WDR49: variants seen among roughly 807,000 people sequenced by gnomAD.
The protein encoded by WDR49 is WD repeat domain 49.
A neutral mutation model predicts 119.5 loss-of-function variants in WDR49; 107 were observed. The ratio of observed to expected loss-of-function variants is 0.90; its 90% CI spans 0.77 to 1.05. The LOEUF is 1.05. Among genes scored for constraint, WDR49 ranks in the 50% least tolerant of loss-of-function variants. WDR49 has a pLI of 0.00. For missense variants in WDR49, 1,240 were observed against 1,220.5 expected (o/e 1.02, Z -0.24); for synonymous variants, 425 against 418.8 (o/e 1.01, Z -0.18).
At chr3:167,587,547 A>G (rs1714883234) in intron 7 of WDR49, among the ~76,000 whole-genome samples, 2 of 152,072 alleles carry the variant, frequency 1.3e-5, no homozygotes, top group Non-Finnish European at 2.9e-5. Flanking sequence ...GTGCAATGGC[A>G]TGATCACGCC....
intron 2 of WDR49, among the ~76,000 whole-genome samples, chr3:167,637,963 A>T (rs923288502): frequency 6.6e-6 from 1 of 151,406 alleles, no homozygotes; most frequent in African/African-American, 2.4e-5. Context: ...CCTCTTTACC[A>T]ATTACTTTGA....
chr3:167,637,728 G>GTTA, intron 2 of WDR49, among the ~76,000 whole-genome samples: 1 of 151,618 alleles, frequency 6.6e-6, no homozygotes, highest in Non-Finnish European at 1.5e-5. Context: ...GGTTAGGTAT[G>GTTA]TTCCTAAGTA....
At chr3:167,635,249 T>A (rs867232812) in intron 2 of WDR49, among the ~76,000 whole-genome samples, 1 of 151,766 alleles carries the variant, frequency 6.6e-6, no homozygotes, top group Non-Finnish European at 1.5e-5. Flanking sequence ...TTTTTATATA[T>A]TTTGCCAAAT....
chr3:167,563,353 C>CAAAAAAAAAAAAAAAAAAAAAAAAAAA, intron 8 of WDR49, among the ~76,000 whole-genome samples: 1 of 55,854 alleles, frequency 1.8e-5, no homozygotes, highest in Non-Finnish European at 3.5e-5. Context: ...GATTCTGAAT[C>CAAAAAAAAAAAAAAAAAAAAAAAAAAA]AAAAAAAAAA....
intron 2 of WDR49, among the ~76,000 whole-genome samples, chr3:167,633,214 C>A (rs893630738): frequency 6.6e-6 from 1 of 151,728 alleles, no homozygotes; most frequent in Non-Finnish European, 1.5e-5. Flanking sequence ...TTCTTAGGGA[C>A]CCAGAGAATA....
intron 2 of WDR49, among the ~76,000 whole-genome samples, chr3:167,637,113 T>TTTATAG (rs1307752440): frequency 8.5e-5 from 13 of 152,082 alleles, no homozygotes; most frequent in African/African-American, 3.1e-4. Context: ...TTCTAGAATT[T>TTTATAG]TTATAGTTTC....
chr3:167,487,451 T>C (rs1750969080), intron 18 of WDR49, among the ~76,000 whole-genome samples: 1 of 152,118 alleles, frequency 6.6e-6, no homozygotes, highest in Non-Finnish European at 1.5e-5. Flanking sequence ...GGATATACCC[T>C]TCCTGACATC....
chr3:167,555,706 T>G (rs930243233), intron 9 of WDR49, among the ~76,000 whole-genome samples: 1 of 152,166 alleles, frequency 6.6e-6, no homozygotes, highest in Non-Finnish European at 1.5e-5. Flanking sequence ...GAAAAATCCC[T>G]ACACACATTT....
In WDR49 at chr3:167,627,213, G is replaced by C; in HGVS notation, c.245C>G (p.Thr82Arg). ...AAAGAGCTCCCCATATTCTTCCTTC[G>C]TGCCCCAACCAACAATCTCTGTCAT... ...QKMTEIVGWG[T>R]KEEYGELFDK... The change falls in exon 3 of 19, where the codon ACG becomes AGG. Residue 82 changes from threonine (T) to arginine (R), a missense_variant. Physicochemically the swap from Thr to Arg is moderately conservative, Grantham distance 71. Coordinates refer to ENST00000682715, the MANE Select transcript of WDR49 (RefSeq NM_001366157.1). 1 of 1,251,794 alleles carries C rather than the reference G, an allele frequency of 8.0e-7. No homozygotes were observed. The highest frequency in any genetic ancestry group is 1.0e-6 in the Non-Finnish European group (1 of 998,594). The allele number at this position is 1,251,794 out of a possible 1,614,324, so 77.5% of individuals were successfully genotyped here. A position where few individuals can be genotyped will look rare whatever the true frequency, so the allele number is the denominator to read the frequency against.
chr3:167,647,796 G>A (rs1224177078), intron 2 of WDR49, among the ~76,000 whole-genome samples: 2 of 152,130 alleles, frequency 1.3e-5, no homozygotes, highest in Non-Finnish European at 2.9e-5. Context: ...TCTCCACTGA[G>A]ATGCCTTTAG....
At chr3:167,581,236 C>CGTTA (rs1714514199) in intron 7 of WDR49, among the ~76,000 whole-genome samples, 1 of 151,950 alleles carries the variant, frequency 6.6e-6, no homozygotes, top group Admixed American at 6.6e-5. Context: ...TTCTTTTAAC[C>CGTTA]GTTAACCTTA....
At chr3:167,486,593 G>C (rs1577190390) in intron 18 of WDR49, among the ~76,000 whole-genome samples, 1 of 152,040 alleles carries the variant, frequency 6.6e-6, no homozygotes, top group African/African-American at 2.4e-5. Flanking sequence ...AAAAAGAGCA[G>C]GGGTCCCTAT....
Position 167,538,160 on chromosome 3 carries a change from C to A in WDR49, c.1824-1160G>T, listed in dbSNP as rs184886942. ...CATGAGTTCCAATGTCACTGCTATA[C>A]AAATGGCTCTTAAATTCTCTTCATT... On this transcript the variant is annotated intron_variant, in intron 10 of 18. Coordinates refer to ENST00000682715, the MANE Select transcript of WDR49 (RefSeq NM_001366157.1). Among the ~76,000 whole-genome samples the A allele has an allele frequency of 1.4e-3, 206 of 152,254 alleles. 4 individuals are homozygous for A. The East Asian group carries it at 0.031, about 23-fold the overall frequency.
At chr3:167,563,221 G>A (rs1019624536) in intron 8 of WDR49, among the ~76,000 whole-genome samples, 4 of 151,938 alleles carry the variant, frequency 2.6e-5, no homozygotes, top group African/African-American at 9.7e-5. Flanking sequence ...AGGCGTGGTG[G>A]CGGGTGCCTG....
chr3:167,538,977 T>A (rs1711634338), intron 10 of WDR49, among the ~76,000 whole-genome samples: 1 of 152,162 alleles, frequency 6.6e-6, no homozygotes, highest in Non-Finnish European at 1.5e-5. Context: ...AGATCTAATC[T>A]ATGTTTTCAG....
chr3:167,558,129 C>A (rs1243962495), intron 9 of WDR49, among the ~76,000 whole-genome samples: 1 of 152,050 alleles, frequency 6.6e-6, no homozygotes. Context: ...AATAAACAAA[C>A]AAATGGTGTT....
At position 167,529,039 on chromosome 3, in the gene WDR49, T is replaced by G. The variant is rs772678957; in HGVS notation, c.2406+13A>C. 6.5e-7 allele frequency: 1 copy of G among 1,537,664 alleles called. No homozygotes were observed. The highest frequency in any genetic ancestry group is 1.3e-5 in the South Asian group (1 of 76,818). On this transcript the variant is annotated intron_variant, in intron 14 of 18. Transcript: ENST00000682715. ...AAATCTTAAAGGTAATGTGATAATG[T>G]TTTTCAATTTACCTCTATATTCCAG... is the stretch of plus-strand genomic sequence containing the variant.
Position 167,653,475 on chromosome 3 carries a change from A to G in WDR49, c.-50T>C, listed in dbSNP as rs1443161898. ...CCTTCAACTATTTCTATAAGGATGG[A>G]TCTTCTTTTTCCTTCAACAGGTGCC... On this transcript the variant is annotated 5_prime_UTR_variant, in exon 2 of 19. Coordinates refer to ENST00000682715, the MANE Select transcript of WDR49 (RefSeq NM_001366157.1). 2 of 1,425,948 alleles carry G rather than the reference A, an allele frequency of 1.4e-6. No homozygotes were observed. The highest frequency in any genetic ancestry group is 1.8e-6 in the Non-Finnish European group (2 of 1,096,368). The allele number at this position is 1,425,948 out of a possible 1,614,324, so 88.3% of individuals were successfully genotyped here.
At chr3:167,564,523 C>A (rs1054567588) in intron 8 of WDR49, among the ~76,000 whole-genome samples, 2 of 152,172 alleles carry the variant, frequency 1.3e-5, no homozygotes, top group Non-Finnish European at 2.9e-5. Context: ...CATGTCTATG[C>A]CACCTTTTAA....
Sources: gnomAD v4.1 joint callset for allele counts (sites outside exome capture counted in the v4.1 genomes callset) on GRCh38, gnomAD v4.1.1 for gene constraint, MANE v1.5 for transcripts, NCBI Gene and HGNC (gene_info 2026-07-23, HGNC 2026-07-21) for gene names.